RBFOX1: variants seen among roughly 807,000 people sequenced by gnomAD.
RBFOX1 encodes RNA binding fox-1 homolog 1.
A neutral mutation model predicts 57.7 loss-of-function variants in RBFOX1; 8 were observed. The observed-to-expected ratio is 0.14, with a 90% CI of 0.08 to 0.25. The LOEUF (loss-of-function observed/expected upper bound fraction) is 0.25, where lower values mean the gene tolerates loss of function less well. RBFOX1 is among the 10% of genes least tolerant of loss of function. The pLI, the probability that RBFOX1 is intolerant of heterozygous loss-of-function variation, is 1.00. For missense variants in RBFOX1, 611 were observed against 548.5 expected (o/e 1.11, Z -1.14); for synonymous variants, 326 against 222.4 (o/e 1.47, Z -4.15).
At chr16:7,373,158 C>G (rs1020792971) in intron 4 of RBFOX1, among the ~76,000 whole-genome samples, 1 of 152,058 alleles carries the variant, frequency 6.6e-6, no homozygotes, top group East Asian at 1.9e-4. Flanking sequence ...GGTTATCGCT[C>G]TCCTGACCTT....
chr16:7,079,253 A>G (rs115852437), intron 4 of RBFOX1, among the ~76,000 whole-genome samples: 1,530 of 152,228 alleles, frequency 0.01, 30 homozygotes, highest in African/African-American at 0.035. Context: ...TGCTCATCAT[A>G]CATCTGGCTC....
At chr16:7,407,210 A>C (rs1229686201) in intron 4 of RBFOX1, among the ~76,000 whole-genome samples, 1 of 152,154 alleles carries the variant, frequency 6.6e-6, no homozygotes, top group Non-Finnish European at 1.5e-5. Flanking sequence ...AATCACATCC[A>C]TAAACTCCCT....
rs182873670 is a variant in RBFOX1 at position 6,688,976 on chromosome 16, T to G, written c.-16+34326T>G. On this transcript the variant is annotated intron_variant, in intron 3 of 15. Transcript: ENST00000550418. ...TGCGAAGGATATGAACTCATCCTTT[T>G]TTATGGCTGCATAGTATTCCATGGT... Among the ~76,000 whole-genome samples, 21 of 152,224 alleles carry G rather than the reference T, an allele frequency of 1.4e-4. 1 individual carries two copies. Among genetic ancestry groups the G allele is most frequent in the African/African-American group, 4.3e-4 (18 of 41,524 alleles).
At position 6,846,646 on chromosome 16, in the gene RBFOX1, G is replaced by A. The variant is rs144019809; in HGVS notation, c.-16+191996G>A. On this transcript the variant is annotated intron_variant, in intron 3 of 15. Coordinates refer to ENST00000550418, the MANE Select transcript of RBFOX1 (RefSeq NM_018723.4). ...AATCATGTATTGGGAAAACAGTTGA[G>A]CATCTACAGACGTCAAATAACCAAT... Among the ~76,000 whole-genome samples, 3 of 152,288 alleles carry A rather than the reference G, an allele frequency of 2.0e-5. No homozygotes were observed. In the East Asian group the frequency reaches 5.8e-4, roughly 29 times the overall value.
intron 4 of RBFOX1, among the ~76,000 whole-genome samples, chr16:7,485,571 G>C (rs1359177699): frequency 6.6e-6 from 1 of 152,142 alleles, no homozygotes; most frequent in African/African-American, 2.4e-5. Context: ...TCAACCCCCA[G>C]ATGGCTTGTC....
rs769751072 is a variant in RBFOX1 at position 7,630,701 on chromosome 16, G to A, written c.757+18G>A. 9 of 1,613,614 alleles carry A rather than the reference G, an allele frequency of 5.6e-6. No homozygotes were observed. The South Asian group carries it at 8.8e-5, about 16-fold the overall frequency. ...TTCTGCAAGTAAGCCCACTGTCGTG[G>A]CTCTTTTTGTTTTGTGACATAAATC... is the stretch of plus-strand genomic sequence containing the variant. On this transcript the variant is annotated intron_variant, in intron 11 of 15. Transcript: ENST00000550418.
In RBFOX1 at chr16:7,247,519, G is replaced by T. The variant is rs145675660; in HGVS notation, c.27+195421G>T. On this transcript the variant is annotated intron_variant, in intron 4 of 15. Transcript: ENST00000550418. The stretch of plus-strand genomic sequence containing the variant: ...AAAGTTGAGAATTACTAATTTTTCT[G>T]TAAGACCCTGTGCCTGCCACAATAA... Among the ~76,000 whole-genome samples, 663 of 152,224 alleles carry T rather than the reference G, an allele frequency of 4.4e-3. 3 individuals carry two copies. The highest frequency in any genetic ancestry group is 0.014 in the African/African-American group (600 of 41,538).
At chr16:6,928,731 A>T (rs1050175825) in intron 3 of RBFOX1, among the ~76,000 whole-genome samples, 1 of 152,192 alleles carries the variant, frequency 6.6e-6, no homozygotes, top group African/African-American at 2.4e-5. Flanking sequence ...CTGCCAATCA[A>T]TCACGGTTGC....
chr16:6,356,749 C>T (rs1183628142), intron 2 of RBFOX1, among the ~76,000 whole-genome samples: 1 of 152,158 alleles, frequency 6.6e-6, no homozygotes, highest in Admixed American at 6.5e-5. Flanking sequence ...GGGAATCATT[C>T]CAAGTGCAGA....
intron 3 of RBFOX1, among the ~76,000 whole-genome samples, chr16:6,772,765 A>G (rs62652899): frequency 0.73 from 107,363 of 146,138 alleles, 39,548 homozygotes; most frequent in East Asian, 0.92. Context: ...GTGTGTGTGC[A>G]TATGTTGGGA....
At chr16:5,490,648 T>C (rs757561893) in intron 2 of RBFOX1, among the ~76,000 whole-genome samples, 16 of 152,122 alleles carry the variant, frequency 1.1e-4, no homozygotes, top group Admixed American at 2.0e-4. Flanking sequence ...CTCCTATCTG[T>C]GAGCTCCGAG....
In RBFOX1 at chr16:7,436,064, T is replaced by C. The variant is rs530546662; in HGVS notation, c.28-82083T>C. 3.3e-5 allele frequency among the ~76,000 whole-genome samples: 5 copies of C among 152,334 alleles called. No homozygotes were observed. The South Asian group carries it at 1.0e-3, about 32-fold the overall frequency. ...GCTCCCTGAACATCGTGAGAATTTC[T>C]TTCCACAGATGCAAACAACTCTGTT... On this transcript the variant is annotated intron_variant, in intron 4 of 15. Coordinates refer to ENST00000550418, the MANE Select transcript of RBFOX1 (RefSeq NM_018723.4).
At chr16:5,600,977 C>A (rs1157012094), downstream of RBFOX1, among the ~76,000 whole-genome samples, 1 of 152,160 alleles carries the variant, frequency 6.6e-6, no homozygotes, top group Non-Finnish European at 1.5e-5. Flanking sequence ...CTGGACTTAC[C>A]CTCTGACCCA....
intron 2 of RBFOX1, among the ~76,000 whole-genome samples, chr16:6,608,840 C>A (rs975613148): frequency 1.3e-5 from 2 of 152,252 alleles, no homozygotes; most frequent in African/African-American, 4.8e-5. Flanking sequence ...GTGTGTCTCA[C>A]TGGACTAAAA....
At chr16:5,411,399 CAAG>C (rs1262285140) in intron 1 of RBFOX1, among the ~76,000 whole-genome samples, 2 of 152,084 alleles carry the variant, frequency 1.3e-5, no homozygotes, top group African/African-American at 2.4e-5. Context: ...GGCCATGAGC[CAAG>C]GAATGCAGGT....
At chr16:6,059,788 A>G (rs913007999) in intron 1 of RBFOX1, among the ~76,000 whole-genome samples, 5 of 152,150 alleles carry the variant, frequency 3.3e-5, no homozygotes, top group Non-Finnish European at 4.4e-5. Context: ...ACATTTCACA[A>G]CTGAAGCCCA....
chr16:6,399,866 C>T (rs904489003), intron 2 of RBFOX1, among the ~76,000 whole-genome samples: 12 of 152,158 alleles, frequency 7.9e-5, no homozygotes, highest in African/African-American at 2.7e-4. Context: ...CACAGGGCAG[C>T]AGGAGAGAGA....
In RBFOX1 at chr16:7,179,289, A is replaced by C. The variant is rs1391002871; in HGVS notation, c.27+127191A>C. Among the ~76,000 whole-genome samples the C allele has an allele frequency of 4.0e-5, 6 of 151,794 alleles. No individual in the cohort carries two copies. In the East Asian group the frequency reaches 1.2e-3, roughly 29 times the overall value. ...TGCTTTCAGAGTTCATGTCCATTGG[A>C]AGTGTCAAGAGATTCTGTGTTCAAA... On this transcript the variant is annotated intron_variant, in intron 4 of 15. Coordinates refer to ENST00000550418, the MANE Select transcript of RBFOX1 (RefSeq NM_018723.4).
In RBFOX1 at chr16:5,908,083, TATAC is replaced by T. The variant is rs1163312680; in HGVS notation, c.351+40750_351+40753del. Among the ~76,000 whole-genome samples the T allele has an allele frequency of 6.9e-4, 87 of 126,584 alleles. 5 individuals carry two copies. Among genetic ancestry groups the T allele is most frequent in the African/African-American group, 2.3e-3 (76 of 32,694 alleles). 83.0% of individuals were successfully genotyped at this position (126,584 alleles called of 152,430 possible). A position where few individuals can be genotyped will look rare whatever the true frequency, so the allele number is the denominator to read the frequency against. ...GTATGTGTGTATGTATATATATATATATACACATATATACACATATATATATACA... is the reference window on the plus strand; with the variant it reads ...GTATGTGTGTATGTATATATATATATACATATATACACATATATATATACA... On this transcript the variant is annotated intron_variant, in intron 4 of 19. Coordinates refer to the RBFOX1 transcript ENST00000641259.
Sources: allele counts gnomAD v4.1 joint callset (sites outside exome capture counted in the v4.1 genomes callset), GRCh38; gene constraint gnomAD v4.1.1; transcripts MANE v1.5; gene names NCBI Gene and HGNC (gene_info 2026-07-23, HGNC 2026-07-21).